The following KHDRBS2 variants were observed in gnomAD, a reference collection of about 807,000 sequenced individuals.
KHDRBS2 encodes KH RNA binding domain containing, signal transduction associated 2, also known as KH domain-containing, RNA-binding, signal transduction-associated protein 2.
KHDRBS2 carries 26 observed loss-of-function variants against 44.3 expected under a neutral mutation model. That is an observed-to-expected ratio of 0.59 (90% CI 0.43 to 0.81). The LOEUF is 0.81. Ranked by LOEUF, KHDRBS2 falls within the 40% of genes least tolerant of loss-of-function variation. KHDRBS2 has a pLI of 0.00. For missense variants in KHDRBS2, 476 were observed against 433.1 expected (o/e 1.10, Z -0.88); for synonymous variants, 194 against 151.1 (o/e 1.28, Z -2.08).
intron 2 of KHDRBS2, among the ~76,000 whole-genome samples, chr6:62,156,358 A>T (rs1259359961): frequency 6.6e-6 from 1 of 152,198 alleles, no homozygotes; most frequent in Non-Finnish European, 1.5e-5. Flanking sequence ...ATTTTTGAAG[A>T]CTACATTAAA....
At chr6:62,057,079 G>C (rs1790456303) in intron 2 of KHDRBS2, among the ~76,000 whole-genome samples, 1 of 151,944 alleles carries the variant, frequency 6.6e-6, no homozygotes, top group Non-Finnish European at 1.5e-5. Flanking sequence ...GTTTCACAAA[G>C]TGAGAGAAAG....
At chr6:62,000,574 G>A (rs942195736) in intron 3 of KHDRBS2, among the ~76,000 whole-genome samples, 1 of 152,188 alleles carries the variant, frequency 6.6e-6, no homozygotes, top group African/African-American at 2.4e-5. Context: ...TTAAATCAGT[G>A]TTCTTGTAAG....
At chr6:61,980,380 C>A (rs976843248) in intron 3 of KHDRBS2, among the ~76,000 whole-genome samples, 1 of 152,112 alleles carries the variant, frequency 6.6e-6, no homozygotes, top group Non-Finnish European at 1.5e-5. Context: ...TCCTGTGAGG[C>A]ATCACACCAT....
intron 1 of KHDRBS2, among the ~76,000 whole-genome samples, chr6:62,245,845 T>A (rs1357070302): frequency 2.0e-5 from 3 of 151,832 alleles, no homozygotes; most frequent in African/African-American, 7.2e-5. Context: ...ATGTCATCTC[T>A]AGGGAATAGA....
the KHDRBS2 span, among the ~76,000 whole-genome samples, chr6:61,610,175 C>T: frequency 7.0e-6 from 1 of 142,136 alleles, no homozygotes; most frequent in Non-Finnish European, 1.5e-5. Flanking sequence ...GACTCTGTCT[C>T]AATATATATA....
intron 6 of KHDRBS2, among the ~76,000 whole-genome samples, chr6:61,850,770 T>A (rs1462625745): frequency 6.6e-6 from 1 of 152,014 alleles, no homozygotes; most frequent in Non-Finnish European, 1.5e-5. Flanking sequence ...GCTGAGGCAA[T>A]ACCTTTGAAG....
chr6:61,857,981 T>A (rs1307144497), intron 6 of KHDRBS2, among the ~76,000 whole-genome samples: 1 of 151,948 alleles, frequency 6.6e-6, no homozygotes, highest in Non-Finnish European at 1.5e-5. Flanking sequence ...AACACATATG[T>A]TATATTTGCA....
chr6:61,606,850 A>G, the KHDRBS2 span, among the ~76,000 whole-genome samples: 1 of 152,202 alleles, frequency 6.6e-6, no homozygotes, highest in Admixed American at 6.5e-5. Flanking sequence ...TTTTATCTGC[A>G]GGCCCTCTAA....
chr6:62,225,873 C>T (rs1297656600), intron 1 of KHDRBS2, among the ~76,000 whole-genome samples: 6 of 152,120 alleles, frequency 3.9e-5, no homozygotes, highest in Admixed American at 2.6e-4. Context: ...GATCTCATTG[C>T]TTTTTATGGC....
intron 1 of KHDRBS2, among the ~76,000 whole-genome samples, chr6:62,265,513 T>A (rs1421070236): frequency 6.6e-6 from 1 of 152,110 alleles, no homozygotes; most frequent in South Asian, 2.1e-4. Flanking sequence ...TAAAGATGAA[T>A]TTAAAAAGAT....
the KHDRBS2 span, among the ~76,000 whole-genome samples, chr6:61,582,647 T>C: frequency 2.6e-5 from 4 of 151,822 alleles, no homozygotes; most frequent in African/African-American, 9.6e-5. Context: ...ACATTCATGA[T>C]CCAACAAAGA....
chr6:61,717,457 G>T (rs1054320601), intron 7 of KHDRBS2, among the ~76,000 whole-genome samples: 13 of 152,032 alleles, frequency 8.6e-5, no homozygotes, highest in African/African-American at 2.9e-4. Flanking sequence ...TCTGTAGATG[G>T]CAGGAACATA....
chr6:62,098,681 A>T (rs893119916), intron 2 of KHDRBS2, among the ~76,000 whole-genome samples: 4 of 152,008 alleles, frequency 2.6e-5, no homozygotes, highest in African/African-American at 9.7e-5. Flanking sequence ...GATTTTGTAT[A>T]TTTCTCTGGG....
chr6:62,192,084 C>T (rs1296329051), intron 1 of KHDRBS2, among the ~76,000 whole-genome samples: 1 of 151,784 alleles, frequency 6.6e-6, no homozygotes, highest in African/African-American at 2.4e-5. Context: ...TGCATTATAA[C>T]TTTTTCATGT....
chr6:61,571,937 C>T, the KHDRBS2 span, among the ~76,000 whole-genome samples: 1 of 151,790 alleles, frequency 6.6e-6, no homozygotes, highest in Non-Finnish European at 1.5e-5. Context: ...AAACCAAACC[C>T]AAATCAGCAG....
the KHDRBS2 span, among the ~76,000 whole-genome samples, chr6:61,547,707 T>C: frequency 6.6e-6 from 1 of 152,164 alleles, no homozygotes; most frequent in Non-Finnish European, 1.5e-5. Flanking sequence ...TAGGAGAGGA[T>C]GCCAGTACTC....
chr6:61,869,975 T>TGTTTGTTTG (rs375440574), intron 6 of KHDRBS2, among the ~76,000 whole-genome samples: 33,424 of 96,048 alleles, frequency 0.35, 4,335 homozygotes, highest in South Asian at 0.46. Context: ...TTTTTTTTTT[T>TGTTTGTTTG]TTTTTTTTTT....
intron 1 of KHDRBS2, among the ~76,000 whole-genome samples, chr6:62,227,534 G>A (rs1301362821): frequency 6.6e-6 from 1 of 152,014 alleles, no homozygotes; most frequent in African/African-American, 2.4e-5. Context: ...TTGCCTAACT[G>A]CCCTGCCCAG....
At chr6:61,645,073 C>T in the KHDRBS2 span, among the ~76,000 whole-genome samples, 1 of 151,980 alleles carries the variant, frequency 6.6e-6, no homozygotes, top group Admixed American at 6.6e-5. Context: ...CCTAAATGCC[C>T]ATCAATGAAA....
Sources: gnomAD v4.1 joint callset for allele counts (sites outside exome capture counted in the v4.1 genomes callset) on GRCh38, gnomAD v4.1.1 for gene constraint, MANE v1.5 for transcripts, NCBI Gene and HGNC (gene_info 2026-07-23, HGNC 2026-07-21) for gene names.